Variants in NUP153 observed in about 807,000 individuals in gnomAD.
NUP153 encodes the protein nucleoporin 153.
In NUP153, 27 loss-of-function variants were observed where a neutral mutation model predicts 134.6. That is an observed-to-expected ratio of 0.20 (90% confidence interval 0.15 to 0.28). NUP153 has a LOEUF of 0.28. NUP153 is among the 10% of genes least tolerant of loss of function. NUP153 has a pLI of 1.00. For synonymous variants in NUP153, 640 were observed against 623.5 expected (o/e 1.03, Z -0.40); for missense variants, 1,821 against 1,731.3 (o/e 1.05, Z -0.92).
At chr6:17,685,138 T>C (rs1289064394) in intron 2 of NUP153, among the ~76,000 whole-genome samples, 1 of 152,222 alleles carries the variant, frequency 6.6e-6, no homozygotes, top group Non-Finnish European at 1.5e-5. Context: ...CAATAAAATA[T>C]GTATTTATAA....
intron 20 of NUP153, among the ~76,000 whole-genome samples, chr6:17,621,893 A>G (rs1400623367): frequency 1.3e-5 from 2 of 152,230 alleles, no homozygotes; most frequent in African/African-American, 4.8e-5. Context: ...TAAATGCCCT[A>G]ATTTATTACA....
In NUP153 at chr6:17,665,394, T is replaced by A; in HGVS notation, c.1069-9A>T. On this transcript the variant is annotated splice_polypyrimidine_tract_variant and intron_variant, in intron 8 of 21. Coordinates refer to ENST00000262077, the MANE Select transcript of NUP153 (RefSeq NM_005124.4). The stretch of plus-strand genomic sequence containing the variant: ...GGATATTGAGAATCCACCTTACAGG[T>A]AAAGAGAAATCAAAAACATTTATTT... The A allele has an allele frequency of 5.7e-6, 9 of 1,587,614 alleles. No homozygotes were observed. The highest frequency in any genetic ancestry group is 7.7e-6 in the Non-Finnish European group (9 of 1,170,714).
At position 17,629,522 on chromosome 6, in the gene NUP153, A is replaced by T. The variant is rs776104549; in HGVS notation, c.2677T>A (p.Ser893Thr). The T allele has an allele frequency of 1.9e-6, 3 of 1,596,492 alleles. No individual in the cohort carries two copies. The South Asian group carries it at 3.4e-5, about 18-fold the overall frequency. Residue 893 changes from serine to threonine, a missense_variant, in exon 18 of 22, where the codon TCA (serine) becomes ACA (threonine). Coordinates refer to ENST00000262077, the MANE Select transcript of NUP153 (RefSeq NM_005124.4). ...GAGGAGGCTGCTGAGTTCGAAGATG[A>T]GGAAGATGTGTCAAAGCCTACAAAA... Reference protein sequence around the residue: ...SGFKGFDTSSSSSNSAASSSF... With the variant: ...SGFKGFDTSSTSSNSAASSSF...
rs1765056165 is a variant in NUP153, at chr6:17,628,439, A to C, written c.3544+216T>G. Among the ~76,000 whole-genome samples the C allele has an allele frequency of 6.6e-6, 1 of 152,134 alleles. No individual in the cohort carries two copies. The highest frequency in any genetic ancestry group is 6.5e-5 in the Admixed American group (1 of 15,272). ...GCTTTGCATTACTGCTGTATTTCTC[A>C]AAATTAGATCCACAGATGACTTCAC... On this transcript the variant is annotated intron_variant, in intron 18 of 21. Coordinates refer to ENST00000262077, the MANE Select transcript of NUP153 (RefSeq NM_005124.4). The surrounding 1 kb of genome is among the most constrained non-coding windows in gnomAD (Gnocchi z 5.4).
intron 18 of NUP153, among the ~76,000 whole-genome samples, chr6:17,627,063 T>C (rs1441298762): frequency 6.6e-6 from 1 of 152,248 alleles, no homozygotes; most frequent in African/African-American, 2.4e-5. Context: ...GATTTTTTTC[T>C]AAACTATTCC....
chr6:17,674,852 A>C (rs1768120261), intron 5 of NUP153, 53 bp downstream of exon 5: 7 of 1,350,248 alleles, frequency 5.2e-6, no homozygotes, highest in African/African-American at 3.0e-5. Flanking sequence ...TATCCAGTTA[A>C]AGTGTAAAAA....
chr6:17,654,525 T>A (rs1259100866), intron 11 of NUP153, among the ~76,000 whole-genome samples: 1 of 152,176 alleles, frequency 6.6e-6, no homozygotes, highest in East Asian at 1.9e-4. Flanking sequence ...TTTCACCATG[T>A]TGGCCAGGCT....
At position 17,665,253 on chromosome 6, in the gene NUP153, C is replaced by T. The variant is rs1444763765; in HGVS notation, c.1201G>A (p.Asp401Asn). 1.2e-6 allele frequency: 2 copies of T among 1,605,306 alleles called. No individual in the cohort carries two copies. The highest frequency in any genetic ancestry group is 3.3e-5 in the Admixed American group (2 of 59,952). The change falls in exon 9 of 22, where the codon GAT becomes AAT. Residue 401 changes from aspartate (D) to asparagine (N), a missense_variant. By Grantham distance (23) the Asp-to-Asn change is conservative. Coordinates refer to ENST00000262077, the MANE Select transcript of NUP153 (RefSeq NM_005124.4). The part of the protein sequence containing the change: ...GEFRKTNQRI[D>N]NKCSTGYEKN... ...CATATACTCACACTGCACTTGTTATCTATTCTTTGATTAGTCTTCCTGAAT... is the reference window on the plus strand; with the variant it reads ...CATATACTCACACTGCACTTGTTATTTATTCTTTGATTAGTCTTCCTGAAT...
intron 9 of NUP153, among the ~76,000 whole-genome samples, chr6:17,663,510 T>C (rs1767332804): frequency 6.6e-6 from 1 of 152,178 alleles, no homozygotes; most frequent in South Asian, 2.1e-4. Context: ...GTGATCCTTC[T>C]GCCTGAGCCT....
rs1257300299 is a variant in NUP153 at position 17,688,412 on chromosome 6, T to C, written c.318A>G (p.Ala106=). ...ITDGRITPEP[A]VSNTEEPSTT... ...TTTACTTACCTTCTGTATTACTGAC[T>C]GCTGGCTCAGGTGTGATTCTCCCAT... Residue 106 remains alanine (A), a synonymous_variant, in exon 2 of 22, where the codon GCA becomes GCG. Transcript: ENST00000262077. 1 of 1,613,596 alleles carries C rather than the reference T, an allele frequency of 6.2e-7. No homozygotes were observed. The highest frequency in any genetic ancestry group is 8.5e-7 in the Non-Finnish European group (1 of 1,179,470).
Position 17,638,880 on chromosome 6 carries a change from A to G in NUP153, c.1846+1059T>C, listed in dbSNP as rs547584253. On this transcript the variant is annotated intron_variant, in intron 15 of 21. Transcript: ENST00000262077. This position sits in a 1 kb window ranked among gnomAD's most constrained non-coding sequence, Gnocchi z 4.0. ...ACTGTCCAAGCTACTGGACTCCTGT[A>G]GGCAGTATACTTATCTATAAAATGA... Among the ~76,000 whole-genome samples, 48 of 152,318 alleles carry G rather than the reference A, an allele frequency of 3.2e-4. No homozygotes were observed. The highest frequency in any genetic ancestry group is 1.6e-3 in the Admixed American group (25 of 15,302).
chr6:17,677,115 T>G (rs560312888), intron 2 of NUP153, among the ~76,000 whole-genome samples: 23 of 152,156 alleles, frequency 1.5e-4, no homozygotes, highest in Non-Finnish European at 3.2e-4. Context: ...AAATAAGACC[T>G]ACTACAGATC....
intron 12 of NUP153, 75 bp from the exon 13 acceptor site, chr6:17,647,980 G>A (rs1411995440): frequency 2.3e-6 from 2 of 880,040 alleles, no homozygotes; most frequent in Non-Finnish European, 3.7e-6. Flanking sequence ...AAGACATTAA[G>A]CAAACTGATT....
chr6:17,681,641 A>G (rs573945203), intron 2 of NUP153, among the ~76,000 whole-genome samples: 3 of 152,310 alleles, frequency 2.0e-5, no homozygotes, highest in African/African-American at 4.8e-5. Flanking sequence ...ATCTGCTGGT[A>G]TAGGTATTTA....
chr6:17,686,083 G>A (rs1219639914), intron 2 of NUP153, among the ~76,000 whole-genome samples: 1 of 152,096 alleles, frequency 6.6e-6, no homozygotes, highest in Non-Finnish European at 1.5e-5. Context: ...GGAAGGTTGA[G>A]GTTGCAGTGA....
intron 1 of NUP153, among the ~76,000 whole-genome samples, chr6:17,691,442 A>T (rs1442832140): frequency 6.6e-6 from 1 of 152,188 alleles, no homozygotes; most frequent in Admixed American, 6.5e-5. Context: ...TCAAGACTTG[A>T]AAGTGTTTAA....
intron 5 of NUP153, among the ~76,000 whole-genome samples, chr6:17,671,908 T>C (rs1465192801): frequency 6.6e-6 from 1 of 152,096 alleles, no homozygotes; most frequent in East Asian, 1.9e-4. Context: ...CTTGGGAGGC[T>C]GAGGCAGGAA....
Position 17,628,662 on chromosome 6 carries a change from A to G in NUP153, c.3537T>C (p.Thr1179=). The change falls in exon 18 of 22, where the codon ACT becomes ACC. Residue 1179 remains threonine, a synonymous_variant. Transcript: ENST00000262077. This position sits in a 1 kb window ranked among gnomAD's most constrained non-coding sequence, Gnocchi z 5.4. ...ATFAFGAQTS[T]TADQGAAKPV... The stretch of plus-strand genomic sequence containing the variant: ...TAAAAAGTTAATACTTACCAGCTGT[A>G]GTACTAGTTTGAGCTCCAAAGGCAA... 1 of 1,567,730 alleles carries G rather than the reference A, an allele frequency of 6.4e-7. No homozygotes were observed. Among genetic ancestry groups the G allele is most frequent in the Non-Finnish European group, 8.6e-7 (1 of 1,156,114 alleles).
intron 14 of NUP153, among the ~76,000 whole-genome samples, chr6:17,642,447 A>G (rs1366800771): frequency 6.6e-6 from 1 of 152,194 alleles, no homozygotes; most frequent in African/African-American, 2.4e-5. Context: ...GACAATAAGC[A>G]CCTGAAAAAA....
Sources: gnomAD v4.1 joint callset for allele counts (sites outside exome capture counted in the v4.1 genomes callset) on GRCh38, gnomAD v4.1.1 for gene constraint, Gnocchi (gnomAD v3.1) non-coding constraint, MANE v1.5 for transcripts, NCBI Gene and HGNC (gene_info 2026-07-23, HGNC 2026-07-21) for gene names.